The following ACADVL variants were observed in gnomAD, a reference collection of about 807,000 sequenced individuals.
The protein encoded by ACADVL is very long-chain acyl-CoA dehydrogenase, mitochondrial.
A neutral mutation model predicts 80.4 loss-of-function variants in ACADVL; 73 were observed. The observed-to-expected ratio is 0.91, with a 90% CI of 0.75 to 1.10. The LOEUF (loss-of-function observed/expected upper bound fraction) is 1.10, where lower values mean the gene tolerates loss of function less well. Among genes scored for constraint, ACADVL ranks in the 50% least tolerant of loss-of-function variants. ACADVL has a pLI of 0.00. For missense variants in ACADVL, 878 were observed against 858.9 expected (o/e 1.02, Z -0.28); for synonymous variants, 392 against 326.5 (o/e 1.20, Z -2.16).
Position 7,220,162 on chromosome 17 carries a change from C to T in ACADVL, c.103C>T (p.Pro35Ser). Residue 35 changes from proline (P) to serine (S), a missense_variant, in exon 2 of 20, where the codon CCT (proline) becomes TCT (serine). Physicochemically the swap from Pro to Ser is moderately conservative, Grantham distance 74. Transcript: ENST00000356839. ...GCTCCTGGGGCAGCCCCGGCCCGGC[C>T]CTGCCCGGCGGCCCTATGCCGGGGG... is the stretch of plus-strand genomic sequence containing the variant. ...TALLGQPRPGPARRPYAGGAA... is the reference protein window; with the variant it reads ...TALLGQPRPGSARRPYAGGAA... The T allele has an allele frequency of 6.5e-7, 1 of 1,540,432 alleles. No individual in the cohort carries two copies. Among genetic ancestry groups the T allele is most frequent in the Non-Finnish European group, 8.7e-7 (1 of 1,149,450 alleles).
At chr17:7,221,859 AG>A in intron 7 of ACADVL, 92 bp from the exon 8 acceptor site, 1 of 1,605,276 alleles carries the variant, frequency 6.2e-7, no homozygotes. Context: ...CCAGGTGTTA[AG>A]GGGGAACTGC....
At chr17:7,220,291 C>T in intron 2 of ACADVL, 94 bp downstream of exon 2, 1 of 1,498,570 alleles carries the variant, frequency 6.7e-7, no homozygotes, top group Non-Finnish European at 9.0e-7. Flanking sequence ...TGCCAGGTAC[C>T]TGCCTACTGC....
chr17:7,222,479 G>C lies in ACADVL; in HGVS notation c.878+177G>C. On this transcript the variant is annotated intron_variant, in intron 9 of 19. Coordinates refer to ENST00000356839, the MANE Select transcript of ACADVL (RefSeq NM_000018.4). ...CTAAAGTTTTGGCTCCAGCAACCAA[G>C]TCCAACACAAAATAGGACATAGCCA... 46 of 1,189,160 alleles carry C rather than the reference G, an allele frequency of 3.9e-5. No homozygotes were observed. In the South Asian group the frequency reaches 6.8e-4, roughly 18 times the overall value. The allele number at this position is 1,189,160 out of a possible 1,614,324, so 73.7% of individuals were successfully genotyped here.
rs1419478766 is a variant in ACADVL, at chr17:7,223,819, G to A, written c.1276G>A (p.Ala426Thr). ...AISKIFGSEA[A>T]WKVTDECIQI... ...ATCTGTTCTTTGTCCCTAGGAGGCA[G>A]CCTGGAAGGTGACAGATGAATGCAT... Residue 426 changes from alanine to threonine, a missense_variant, in exon 13 of 20, where the codon GCC becomes ACC. By Grantham distance (58) the Ala-to-Thr change is moderately conservative (BLOSUM62 0). Transcript: ENST00000356839. 1 of 1,614,168 alleles carries A rather than the reference G, an allele frequency of 6.2e-7. No individual in the cohort carries two copies.
upstream of ACADVL, chr17:7,219,553 G>T: frequency 9.1e-7 from 1 of 1,102,448 alleles, no homozygotes. Context: ...AGGAACCCTA[G>T]AGTCTGTCTT....
intron 6 of ACADVL, 71 bp from the exon 7 acceptor site, chr17:7,221,467 C>T (rs1567562824): frequency 6.2e-7 from 1 of 1,607,970 alleles, no homozygotes. Context: ...TGCCCTGTTG[C>T]CCACACTCTC....
At chr17:7,223,058 G>GC in intron 10 of ACADVL, 75 bp from the exon 11 acceptor site, 1 of 1,513,626 alleles carries the variant, frequency 6.6e-7, no homozygotes, top group Non-Finnish European at 9.2e-7. Flanking sequence ...TCCCTCTGGC[G>GC]CAAGCCCAGC....
intron 9 of ACADVL, 25 bp downstream of exon 9, chr17:7,222,327 C>G: frequency 6.2e-7 from 1 of 1,611,490 alleles, no homozygotes; most frequent in Non-Finnish European, 8.5e-7. Context: ...GTTGGGGGAG[C>G]TTAGGACTGA....
Position 7,224,194 on chromosome 17 carries a change from T to C in ACADVL, c.1483T>C (p.Phe495Leu). ...SGLGSALKNPFGNAGLLLGEA... is the reference protein window; with the variant it reads ...SGLGSALKNPLGNAGLLLGEA... ...GCTTGGCAGTGCTCTAAAGAATCCC[T>C]TTGGGAATGCTGGCCTCCTGCTAGG... The change falls in exon 15 of 20, where the codon TTT (phenylalanine) becomes CTT (leucine). Residue 495 changes from phenylalanine to leucine, a missense_variant. Physicochemically the swap from Phe to Leu is conservative, Grantham distance 22 (BLOSUM62 0). Coordinates refer to ENST00000356839, the MANE Select transcript of ACADVL (RefSeq NM_000018.4). 1 of 1,614,072 alleles carries C rather than the reference T, an allele frequency of 6.2e-7. No homozygotes were observed.
At chr17:7,222,996 A>G in intron 10 of ACADVL, 131 bp downstream of exon 10, 1 of 1,444,292 alleles carries the variant, frequency 6.9e-7, no homozygotes, top group Non-Finnish European at 9.6e-7. Context: ...CCGACTTGCT[A>G]GCTTAGGTCT....
Position 7,223,854 on chromosome 17 carries a change from G to A in ACADVL, c.1311G>A (p.Met437Ile), listed in dbSNP as rs1430426907. Residue 437 changes from methionine to isoleucine, a missense_variant, in exon 13 of 20, where the codon ATG becomes ATA. By Grantham distance (10) the Met-to-Ile change is conservative. Transcript: ENST00000356839. ...TGACAGATGAATGCATCCAAATCATGGGGGGTATGGGCTTCATGAAGGTAC... is the reference window on the plus strand; with the variant it reads ...TGACAGATGAATGCATCCAAATCATAGGGGGTATGGGCTTCATGAAGGTAC... The part of the protein sequence containing the change: ...WKVTDECIQI[M>I]GGMGFMKEPG... The A allele has an allele frequency of 1.2e-6, 2 of 1,614,020 alleles. No homozygotes were observed. Among genetic ancestry groups the A allele is most frequent in the Non-Finnish European group, 1.7e-6 (2 of 1,180,016 alleles).
chr17:7,225,150 C>G lies in ACADVL; in HGVS notation c.*53C>G. 1 of 1,612,470 alleles carries G rather than the reference C, an allele frequency of 6.2e-7. No homozygotes were observed. Among genetic ancestry groups the G allele is most frequent in the Non-Finnish European group, 8.5e-7 (1 of 1,179,826 alleles). On this transcript the variant is annotated 3_prime_UTR_variant, in exon 20 of 20. Transcript: ENST00000356839. ...TATGTGCCTTCCCTCAAGCCAAAGCCGAAGCCCCTTTCCTTAAGGCCCTGG... is the reference window on the plus strand; with the variant it reads ...TATGTGCCTTCCCTCAAGCCAAAGCGGAAGCCCCTTTCCTTAAGGCCCTGG...
Position 7,220,832 on chromosome 17 carries a change from T to C in ACADVL, c.342+2T>C, listed in dbSNP as rs747072789. 1 of 1,613,986 alleles carries C rather than the reference T, an allele frequency of 6.2e-7. No individual in the cohort carries two copies. Among genetic ancestry groups the C allele is most frequent in the African/African-American group, 1.3e-5 (1 of 75,030 alleles). ...GAGCCTGTGTCCCGTTTCTTCGAGG[T>C]AAGGAATGACTCGGGGCTTGGTCCC... On this transcript the variant is annotated splice_donor_variant, in intron 5 of 19. Transcript: ENST00000356839. LOFTEE classifies it high-confidence loss of function.
rs752227163 is a variant in ACADVL at position 7,224,978 on chromosome 17, G to A, written c.1849G>A (p.Gly617Ser). The change falls in exon 20 of 20, where the codon GGC becomes AGC. Residue 617 changes from glycine to serine, a missense_variant. Gly to Ser is a moderately conservative substitution (Grantham distance 56). Transcript: ENST00000356839. ...CCAGGCTGCAGCTCGGATCCGAGAG[G>A]GCATGGCCGCCCTGCAGTCTGACCC... ...CIEAAARIRE[G>S]MAALQSDPWQ... The A allele has an allele frequency of 8.1e-6, 13 of 1,614,100 alleles. No homozygotes were observed. The Admixed American group carries it at 2.2e-4, about 27-fold the overall frequency.
At chr17:7,221,753 CTTAGAT>C in intron 7 of ACADVL, 71 bp downstream of exon 7, 1 of 1,609,020 alleles carries the variant, frequency 6.2e-7, no homozygotes, top group Non-Finnish European at 8.5e-7. Flanking sequence ...CCAGTTGGCA[CTTAGAT>C]TATCAGATGG....
Position 7,220,658 on chromosome 17 carries a change from G to A in ACADVL, c.259G>A (p.Val87Met), listed in dbSNP as rs2142965839. ...MFKGQLTTDQ[V>M]FPYPSVLNEE... ...CAAAGGCCAGCTCACCACAGATCAG[G>A]TGTTCCCATACCCGTCCGGTAAGGG... The change falls in exon 4 of 20, where the codon GTG becomes ATG. Residue 87 changes from valine to methionine, a missense_variant. Val to Met is a conservative substitution (Grantham distance 21). Transcript: ENST00000356839. The A allele has an allele frequency of 6.2e-7, 1 of 1,614,184 alleles. No individual in the cohort carries two copies. Among genetic ancestry groups the A allele is most frequent in the Non-Finnish European group, 8.5e-7 (1 of 1,180,044 alleles).
upstream of ACADVL, chr17:7,217,600 A>G (rs2142945483): frequency 7.7e-7 from 1 of 1,306,588 alleles, no homozygotes; most frequent in Non-Finnish European, 9.8e-7. Context: ...GGAGCCGTGG[A>G]GCCGAAGAGG....
Position 7,224,180 on chromosome 17 carries a change from C to T in ACADVL, c.1469C>T (p.Ala490Val). 2 of 1,614,136 alleles carry T rather than the reference C, an allele frequency of 1.2e-6. No individual in the cohort carries two copies. The highest frequency in any genetic ancestry group is 1.7e-6 in the Non-Finnish European group (2 of 1,180,032). Reference sequence around the variant, plus strand: ...AAGGAGCTCTCTGGGCTTGGCAGTGCTCTAAAGAATCCCTTTGGGAATGCT... The same window carrying T: ...AAGGAGCTCTCTGGGCTTGGCAGTGTTCTAAAGAATCCCTTTGGGAATGCT... ...KGKELSGLGS[A>V]LKNPFGNAGL... Residue 490 changes from alanine (A) to valine (V), a missense_variant, in exon 15 of 20, where the codon GCT becomes GTT. Ala to Val is a moderately conservative substitution (Grantham distance 64). Coordinates refer to ENST00000356839, the MANE Select transcript of ACADVL (RefSeq NM_000018.4).
intron 5 of ACADVL, 37 bp from the exon 6 acceptor site, chr17:7,220,887 A>T (rs370668870): frequency 6.2e-7 from 1 of 1,614,070 alleles, no homozygotes; most frequent in Non-Finnish European, 8.5e-7. Context: ...GTTAAGCTCA[A>T]AAGGAGCCTG....
Sources: gnomAD v4.1 joint callset for allele counts on GRCh38, gnomAD v4.1.1 for gene constraint, MANE v1.5 for transcripts, NCBI Gene and HGNC (gene_info 2026-07-23, HGNC 2026-07-21) for gene names.